The following GTPBP2 variants were observed in gnomAD, a reference collection of about 807,000 sequenced individuals.
GTPBP2 encodes the protein GTP-binding protein 2.
In GTPBP2, 32 loss-of-function variants were observed where a neutral mutation model predicts 63.0. The observed-to-expected ratio is 0.51, with a 90% CI of 0.38 to 0.68. The LOEUF (loss-of-function observed/expected upper bound fraction) is 0.68. GTPBP2 is among the 30% of genes least tolerant of loss of function. The probability of loss-of-function intolerance (pLI) is 0.00; values close to 1 mark genes in which losing one functional copy is unlikely to be tolerated. For missense variants in GTPBP2, 492 were observed against 796.9 expected (o/e 0.62, Z 4.61); for synonymous variants, 310 against 322.6 (o/e 0.96, Z 0.42).
chr6:43,630,422 G>A (rs1048604803), upstream of GTPBP2, among the ~76,000 whole-genome samples: 7 of 152,054 alleles, frequency 4.6e-5, no homozygotes, highest in Non-Finnish European at 1.0e-4. Context: ...CTCGAACTGC[G>A]AGGTGCTCAT....
At chr6:43,628,884 G>T (rs1286291929) in intron 1 of GTPBP2, 93 bp downstream of exon 1, 4 of 1,364,170 alleles carry the variant, frequency 2.9e-6, no homozygotes, top group Admixed American at 1.7e-5. Flanking sequence ...CTCGACACCG[G>T]AAGGGGAGAT....
At chr6:43,623,298 G>A (rs1367762309) in intron 9 of GTPBP2, 4 of 178,432 alleles carry the variant, frequency 2.2e-5, no homozygotes, top group South Asian at 2.6e-4. Context: ...GCTGAGGCAG[G>A]AGAATTGCTG....
In GTPBP2 at chr6:43,624,810, C is replaced by T; in HGVS notation, c.880+78G>A. ...GAGAGGGAAGAAGAGGAGCATTGGT[C>T]TGTCTCCAAGATTTGAGGCCCAGGG... On this transcript the variant is annotated intron_variant, in intron 6 of 11. Coordinates refer to ENST00000307126, the MANE Select transcript of GTPBP2 (RefSeq NM_019096.5). This position sits in a 1 kb window ranked among gnomAD's most constrained non-coding sequence, Gnocchi z 5.1. The T allele has an allele frequency of 6.3e-7, 1 of 1,584,976 alleles. No individual in the cohort carries two copies.
rs374252754 is a variant in GTPBP2, at chr6:43,623,318, AG to A, written c.1295+418del. On this transcript the variant is annotated intron_variant, in intron 9 of 11. Coordinates refer to ENST00000307126, the MANE Select transcript of GTPBP2 (RefSeq NM_019096.5). The stretch of plus-strand genomic sequence containing the variant: ...GGCAGGAGAATTGCTGGAACCCAGG[AG>A]GCAGAGGTTGCAGTGAGCCAAGATC... 13 of 182,154 alleles carry A rather than the reference AG, an allele frequency of 7.1e-5. No individual in the cohort carries two copies. The East Asian group carries it at 1.9e-3, about 26-fold the overall frequency. 11.3% of individuals were successfully genotyped at this position (182,154 alleles called of 1,614,324 possible).
Position 43,622,234 on chromosome 6 carries a change from C to T in GTPBP2, c.1468-67G>A. On this transcript the variant is annotated intron_variant, in intron 10 of 11. Transcript: ENST00000307126. This position sits in a 1 kb window ranked among gnomAD's most constrained non-coding sequence, Gnocchi z 5.4. Reference sequence around the variant, plus strand: ...ACATCAGACTCTCCCTCCCCAGCCACCCCACACCCTTTATAGCTCCTGAAT... The same window carrying T: ...ACATCAGACTCTCCCTCCCCAGCCATCCCACACCCTTTATAGCTCCTGAAT... The T allele has an allele frequency of 7.3e-7, 1 of 1,365,776 alleles. No homozygotes were observed. Among genetic ancestry groups the T allele is most frequent in the Non-Finnish European group, 1.0e-6 (1 of 977,208 alleles). The allele number at this position is 1,365,776 out of a possible 1,614,324, so 84.6% of individuals were successfully genotyped here.
chr6:43,625,925 T>G lies in GTPBP2; in HGVS notation c.399-61A>C, dbSNP rs1769287060. On this transcript the variant is annotated intron_variant, in intron 3 of 11. Coordinates refer to ENST00000307126, the MANE Select transcript of GTPBP2 (RefSeq NM_019096.5). The surrounding 1 kb of genome is among the most constrained non-coding windows in gnomAD (Gnocchi z 5.1). ...TGTCCTTCTCCTATTCCAGGCTCGC[T>G]CTGGACCTACAGACTTCCTGCACCT... is the stretch of plus-strand genomic sequence containing the variant. 2 of 1,334,680 alleles carry G rather than the reference T, an allele frequency of 1.5e-6. No individual in the cohort carries two copies. Among genetic ancestry groups the G allele is most frequent in the African/African-American group, 2.9e-5 (2 of 69,576 alleles). The allele number at this position is 1,334,680 out of a possible 1,614,324, so 82.7% of individuals were successfully genotyped here. A position where few individuals can be genotyped will look rare whatever the true frequency, so the allele number is the denominator to read the frequency against.
chr6:43,624,122 A>C lies in GTPBP2; in HGVS notation c.1101-54T>G. On this transcript the variant is annotated intron_variant, in intron 7 of 11. Coordinates refer to ENST00000307126, the MANE Select transcript of GTPBP2 (RefSeq NM_019096.5). The surrounding 1 kb of genome is among the most constrained non-coding windows in gnomAD (Gnocchi z 5.1). ...TGAAGACAGTCCAAACAGGAGGCAG[A>C]GGCCAGAGCCCCATACATGGAAAGG... is the stretch of plus-strand genomic sequence containing the variant. The C allele has an allele frequency of 6.6e-7, 1 of 1,504,618 alleles. No individual in the cohort carries two copies. 93.2% of individuals were successfully genotyped at this position (1,504,618 alleles called of 1,614,324 possible). A position where few individuals can be genotyped will look rare whatever the true frequency, so the allele number is the denominator to read the frequency against.
At position 43,622,543 on chromosome 6, in the gene GTPBP2, C is replaced by A; in HGVS notation, c.1467+90G>T. ...GAGAGTGTGTTTCCTCTGAGTTTCT[C>A]TGAAGCACCTTAGATAGGTGCTCAT... On this transcript the variant is annotated intron_variant, in intron 10 of 11. Transcript: ENST00000307126. This position sits in a 1 kb window ranked among gnomAD's most constrained non-coding sequence, Gnocchi z 5.4. 7.9e-7 allele frequency: 1 copy of A among 1,258,690 alleles called. No homozygotes were observed. 78.0% of individuals were successfully genotyped at this position (1,258,690 alleles called of 1,614,324 possible). A position where few individuals can be genotyped will look rare whatever the true frequency, so the allele number is the denominator to read the frequency against.
chr6:43,629,302 CT>C, upstream of GTPBP2: 2 of 645,272 alleles, frequency 3.1e-6, no homozygotes, highest in South Asian at 4.9e-5. Flanking sequence ...CCCCACCTCC[CT>C]GGCCTCCGGG....
chr6:43,629,745 C>A (rs961631656), upstream of GTPBP2: 12 of 1,553,814 alleles, frequency 7.7e-6, no homozygotes, highest in Admixed American at 1.6e-4. Flanking sequence ...TCAGTTTCTT[C>A]CCCTATGGCC....
At chr6:43,628,750 G>T in intron 1 of GTPBP2, 1 of 773,930 alleles carries the variant, frequency 1.3e-6, no homozygotes, top group Non-Finnish European at 2.4e-6. Context: ...AGAAGGGGGA[G>T]TCCTCCCTCT....
chr6:43,625,724 G>C lies in GTPBP2; in HGVS notation c.507+32C>G, dbSNP rs757364941. ...CACCACAGGGCCCTTCCACAGTGTGGACATGAGAGACAGGGATGGGTGTGT... is the reference window on the plus strand; with the variant it reads ...CACCACAGGGCCCTTCCACAGTGTGCACATGAGAGACAGGGATGGGTGTGT... On this transcript the variant is annotated intron_variant, in intron 4 of 11. Transcript: ENST00000307126. The surrounding 1 kb of genome is among the most constrained non-coding windows in gnomAD (Gnocchi z 5.1). The C allele has an allele frequency of 5.9e-6, 9 of 1,533,948 alleles. No individual in the cohort carries two copies. The highest frequency in any genetic ancestry group is 1.1e-5 in the South Asian group (1 of 89,566).
chr6:43,629,265 G>T, upstream of GTPBP2: 3 of 875,474 alleles, frequency 3.4e-6, no homozygotes, highest in South Asian at 2.4e-5. Flanking sequence ...TGAGCAGAGT[G>T]GGGTGGGGCT....
At chr6:43,628,548 G>C (rs1769615228) in intron 1 of GTPBP2, 3 of 982,946 alleles carry the variant, frequency 3.1e-6, no homozygotes, top group Non-Finnish European at 3.6e-6. Flanking sequence ...GTGTGTGTCC[G>C]TGTGGAACAT....
At chr6:43,630,628 G>A (rs144552232), upstream of GTPBP2, among the ~76,000 whole-genome samples, 4,980 of 151,978 alleles carry the variant, frequency 0.033, 266 homozygotes, top group African/African-American at 0.11. Flanking sequence ...CTGTAATCCC[G>A]GCTGCTCGCG....
At position 43,622,935 on chromosome 6, in the gene GTPBP2, A is replaced by T. The variant is rs776144133; in HGVS notation, c.1296-131T>A. The T allele has an allele frequency of 1.3e-4, 89 of 675,858 alleles. No individual in the cohort carries two copies. Among genetic ancestry groups the T allele is most frequent in the Non-Finnish European group, 1.1e-4 (45 of 406,346 alleles). 41.9% of individuals were successfully genotyped at this position (675,858 alleles called of 1,614,324 possible). A position where few individuals can be genotyped will look rare whatever the true frequency, so the allele number is the denominator to read the frequency against. On this transcript the variant is annotated intron_variant, in intron 9 of 11. Coordinates refer to ENST00000307126, the MANE Select transcript of GTPBP2 (RefSeq NM_019096.5). This position sits in a 1 kb window ranked among gnomAD's most constrained non-coding sequence, Gnocchi z 5.4. ...AAGTGGGGAAGAACCCTAAATTCTG[A>T]CTTGGATGTAACAGGGCTCACTGCC...
In GTPBP2 at chr6:43,625,988, A is replaced by C; in HGVS notation, c.399-124T>G. The C allele has an allele frequency of 2.6e-6, 2 of 766,634 alleles. No homozygotes were observed. Among genetic ancestry groups the C allele is most frequent in the East Asian group, 5.2e-5 (2 of 38,618 alleles). The allele number at this position is 766,634 out of a possible 1,614,324, so 47.5% of individuals were successfully genotyped here. A position where few individuals can be genotyped will look rare whatever the true frequency, so the allele number is the denominator to read the frequency against. ...CCAATACCTTAGTGCACTTCCTACC[A>C]CCCTCCAATCTATTCCTCATTCACA... On this transcript the variant is annotated intron_variant, in intron 3 of 11. Coordinates refer to ENST00000307126, the MANE Select transcript of GTPBP2 (RefSeq NM_019096.5). This position sits in a 1 kb window ranked among gnomAD's most constrained non-coding sequence, Gnocchi z 5.1.
At position 43,624,932 on chromosome 6, in the gene GTPBP2, C is replaced by T. The variant is rs756545014; in HGVS notation, c.836G>A (p.Cys279Tyr). The T allele has an allele frequency of 6.2e-7, 1 of 1,614,136 alleles. No individual in the cohort carries two copies. Among genetic ancestry groups the T allele is most frequent in the Non-Finnish European group, 8.5e-7 (1 of 1,180,014 alleles). Residue 279 changes from cysteine to tyrosine, a missense_variant, in exon 6 of 12, where the codon TGC (cysteine) becomes TAC (tyrosine). Around this residue, in one of 2 missense-constraint regions of GTPBP2, gnomAD observed 400 missense variants for 710.8 expected, o/e 0.56. Transcript: ENST00000307126. The surrounding 1 kb of genome is among the most constrained non-coding windows in gnomAD (Gnocchi z 5.1). ...HTTIFGLTSYCPDCALLLVSA... is the reference protein window; with the variant it reads ...HTTIFGLTSYYPDCALLLVSA... Reference sequence around the variant, plus strand: ...GACGAGGAGCAGGGCGCAGTCGGGGCAGTATGATGTGAGGCCAAAGATGGT... The same window carrying T: ...GACGAGGAGCAGGGCGCAGTCGGGGTAGTATGATGTGAGGCCAAAGATGGT...
rs1247898988 is a variant in GTPBP2, at chr6:43,626,973, C to T, written c.187-25G>A. On this transcript the variant is annotated intron_variant, in intron 1 of 11. Coordinates refer to ENST00000307126, the MANE Select transcript of GTPBP2 (RefSeq NM_019096.5). The surrounding 1 kb of genome is among the most constrained non-coding windows in gnomAD (Gnocchi z 4.0). ...CCTGAAAAGAAACAGTGAGCAGTTACCATACACTGTACAGACCCAATCCCT... is the reference window on the plus strand; with the variant it reads ...CCTGAAAAGAAACAGTGAGCAGTTATCATACACTGTACAGACCCAATCCCT... 1 of 1,603,520 alleles carries T rather than the reference C, an allele frequency of 6.2e-7. No individual in the cohort carries two copies. The highest frequency in any genetic ancestry group is 8.5e-7 in the Non-Finnish European group (1 of 1,170,566).
Sources: gnomAD v4.1 joint callset for allele counts (sites outside exome capture counted in the v4.1 genomes callset) on GRCh38, gnomAD v4.1.1 for gene constraint, gnomAD v4.1.1 regional missense constraint, Gnocchi (gnomAD v3.1) non-coding constraint, MANE v1.5 for transcripts, NCBI Gene and HGNC (gene_info 2026-07-23, HGNC 2026-07-21) for gene names.